The following PDE1C variants were observed in gnomAD, a reference collection of about 807,000 sequenced individuals.
PDE1C encodes the protein phosphodiesterase 1C.
Under a neutral mutation model 93.1 loss-of-function variants are expected in PDE1C, and 62 were observed. That is an observed-to-expected ratio of 0.67 (90% CI 0.54 to 0.82). The LOEUF (loss-of-function observed/expected upper bound fraction) is 0.82, where lower values mean the gene tolerates loss of function less well. Ranked by LOEUF, PDE1C falls within the 40% of genes least tolerant of loss-of-function variation. The pLI, the probability that PDE1C is intolerant of heterozygous loss-of-function variation, is 0.00. For missense variants in PDE1C, 742 were observed against 884.6 expected, an observed-to-expected ratio of 0.84 and a Z score of 2.04; for synonymous variants, 325 against 310.1, an observed-to-expected ratio of 1.05 and a Z score of -0.50.
chr7:31,862,980 C>T (rs535583677), intron 7 of PDE1C, among the ~76,000 whole-genome samples: 1 of 152,248 alleles, frequency 6.6e-6, no homozygotes, highest in East Asian at 1.9e-4. Context: ...ACCTATTTTA[C>T]ATGAATTTCA....
At chr7:32,420,252 TAC>T (rs551511077) in intron 1 of PDE1C, among the ~76,000 whole-genome samples, 1 of 40,248 alleles carries the variant, frequency 2.5e-5, no homozygotes, top group Non-Finnish European at 5.0e-5. Context: ...TGTATATATA[TAC>T]ATGTGTATAT....
intron 8 of PDE1C, 146 bp downstream of exon 8, chr7:31,850,495 G>C (rs1347639952): frequency 1.6e-6 from 1 of 634,264 alleles, no homozygotes; most frequent in Non-Finnish European, 2.9e-6. Context: ...AAGCTGATCA[G>C]ACTGATCTCT....
At chr7:31,641,569 A>G in the PDE1C span, among the ~76,000 whole-genome samples, 3 of 152,224 alleles carry the variant, frequency 2.0e-5, no homozygotes, top group Non-Finnish European at 4.4e-5. Flanking sequence ...TTACGTAAGA[A>G]TCTACAGATA....
At chr7:31,796,999 G>C (rs749164330) in intron 16 of PDE1C, among the ~76,000 whole-genome samples, 1 of 151,720 alleles carries the variant, frequency 6.6e-6, no homozygotes, top group Non-Finnish European at 1.5e-5. Flanking sequence ...GGACATTGGA[G>C]TGGAGAGTTT....
intron 2 of PDE1C, among the ~76,000 whole-genome samples, chr7:31,936,711 GAGA>G (rs1305447972): frequency 2.0e-5 from 3 of 152,126 alleles, no homozygotes; most frequent in African/African-American, 7.2e-5. Flanking sequence ...AAGGGGTAGA[GAGA>G]AGAAGTATTG....
At chr7:31,774,899 T>C (rs1488565404) in intron 17 of PDE1C, among the ~76,000 whole-genome samples, 1 of 152,216 alleles carries the variant, frequency 6.6e-6, no homozygotes, top group African/African-American at 2.4e-5. Context: ...ATTTTTTAAA[T>C]TTTCTTCAAT....
downstream of PDE1C, among the ~76,000 whole-genome samples, chr7:31,750,723 G>T (rs1321042567): frequency 6.6e-5 from 10 of 151,996 alleles, no homozygotes; most frequent in East Asian, 1.7e-3. Context: ...TGTTTTTTTT[G>T]TTTTGTTTTG....
At chr7:31,952,253 C>CT (rs373643162) in intron 2 of PDE1C, among the ~76,000 whole-genome samples, 5 of 149,282 alleles carry the variant, frequency 3.3e-5, no homozygotes, top group South Asian at 2.1e-4. Flanking sequence ...AGAGAACTAC[C>CT]TTTTTTTTTT....
chr7:32,204,745 C>T (rs1276581657), intron 2 of PDE1C, among the ~76,000 whole-genome samples: 1 of 152,210 alleles, frequency 6.6e-6, no homozygotes, highest in Admixed American at 6.5e-5. Flanking sequence ...CCTCAAGCCT[C>T]AGCTAATGCT....
At chr7:31,695,758 T>C in the PDE1C span, 5 of 777,180 alleles carry the variant, frequency 6.4e-6, no homozygotes, top group South Asian at 6.7e-5. Context: ...ATCTCTGTAT[T>C]AGTTACAATA....
chr7:31,760,484 A>AGG lies in PDE1C; in HGVS notation c.1961-6932_1961-6931insCC, dbSNP rs1307683412. On this transcript the variant is annotated intron_variant, in intron 17 of 17. Coordinates refer to ENST00000396191, the MANE Select transcript of PDE1C (RefSeq NM_001191057.4). ...CCATAGCACTGGCCTTGGTCCTTTC[A>AGG]ATCCACTGTGACTTCAGTGTGACCT... Among the ~76,000 whole-genome samples the AGG allele has an allele frequency of 7.9e-5, 12 of 152,170 alleles. No individual in the cohort carries two copies. In the East Asian group the frequency reaches 2.1e-3, roughly 27 times the overall value.
At chr7:31,950,803 G>T (rs773391277) in intron 2 of PDE1C, among the ~76,000 whole-genome samples, 2 of 152,092 alleles carry the variant, frequency 1.3e-5, no homozygotes, top group Non-Finnish European at 2.9e-5. Context: ...TAAGATTTTA[G>T]CTTGAAATTC....
upstream of PDE1C, chr7:32,070,801 G>A (rs1015001233): frequency 9.1e-5 from 90 of 994,056 alleles, no homozygotes; most frequent in Non-Finnish European, 1.0e-4. Context: ...AAGGAGGGCT[G>A]GGTGGGGAGG....
chr7:31,920,764 C>T (rs528869116), intron 2 of PDE1C, among the ~76,000 whole-genome samples: 70 of 152,232 alleles, frequency 4.6e-4, no homozygotes, highest in Non-Finnish European at 8.1e-4. Flanking sequence ...TCTTATTGAG[C>T]CCAACGTGAG....
rs1584094734 is a variant in PDE1C at position 31,790,336 on chromosome 7, G to A, written c.1892-14604C>T. 10 of 1,344,234 alleles carry A rather than the reference G, an allele frequency of 7.4e-6. No homozygotes were observed. In the East Asian group the frequency reaches 2.3e-4, roughly 31 times the overall value. 83.3% of individuals were successfully genotyped at this position (1,344,234 alleles called of 1,614,324 possible). On this transcript the variant is annotated intron_variant, in intron 16 of 17. Transcript: ENST00000396191. ...CCCACCTCCACCCTCCAAGTCTGAGGAGAAGGAAATCTAGGGGACCAAAAA... is the reference window on the plus strand; with the variant it reads ...CCCACCTCCACCCTCCAAGTCTGAGAAGAAGGAAATCTAGGGGACCAAAAA...
chr7:32,197,330 C>A (rs1804693850), intron 2 of PDE1C, among the ~76,000 whole-genome samples: 1 of 151,620 alleles, frequency 6.6e-6, no homozygotes, highest in Non-Finnish European at 1.5e-5. Context: ...AAATTGGAAC[C>A]CTCATACATT....
chr7:32,309,093 G>C (rs1813099385), intron 1 of PDE1C, among the ~76,000 whole-genome samples: 1 of 152,128 alleles, frequency 6.6e-6, no homozygotes, highest in Non-Finnish European at 1.5e-5. Context: ...CAAGAACTAT[G>C]TGAAGAATGC....
intron 1 of PDE1C, among the ~76,000 whole-genome samples, chr7:32,334,812 C>A (rs1783584096): frequency 6.6e-6 from 1 of 152,070 alleles, no homozygotes; most frequent in African/African-American, 2.4e-5. Context: ...GGGAGGACAG[C>A]CATTCAAAAT....
chr7:31,734,950 G>A, the PDE1C span, among the ~76,000 whole-genome samples: 3 of 152,138 alleles, frequency 2.0e-5, no homozygotes, highest in African/African-American at 7.2e-5. Flanking sequence ...TCTGCAAATT[G>A]AAGCCTTGCT....
Sources: allele counts gnomAD v4.1 joint callset (sites outside exome capture counted in the v4.1 genomes callset), GRCh38; gene constraint gnomAD v4.1.1; transcripts MANE v1.5; gene names NCBI Gene and HGNC (gene_info 2026-07-23, HGNC 2026-07-21).